The following DLG2 variants were observed in gnomAD, a reference collection of about 807,000 sequenced individuals.
DLG2 encodes disks large homolog 2.
DLG2 carries 45 observed loss-of-function variants against 132.5 expected under a neutral mutation model. The observed-to-expected ratio is 0.34, with a 90% confidence interval of 0.27 to 0.44. The LOEUF is 0.44. Ranked by LOEUF, DLG2 falls within the 20% of genes least tolerant of loss-of-function variation. The pLI is 1.00. For missense variants in DLG2, 1,045 were observed against 1,196.9 expected (o/e 0.87, Z 1.87); for synonymous variants, 424 against 419.6 (o/e 1.01, Z -0.13).
At chr11:85,436,480 C>T (rs902691486) in intron 3 of DLG2, among the ~76,000 whole-genome samples, 2 of 152,064 alleles carry the variant, frequency 1.3e-5, no homozygotes, top group African/African-American at 4.8e-5. Flanking sequence ...ACAAACAACT[C>T]CATTCAAAAG....
chr11:85,610,251 G>T (rs1318034005), intron 2 of DLG2, among the ~76,000 whole-genome samples: 1 of 152,066 alleles, frequency 6.6e-6, no homozygotes, highest in African/African-American at 2.4e-5. Flanking sequence ...ATGCAGCAGT[G>T]ACTGCAACAC....
rs2089367387 is a variant in DLG2 at position 84,891,402 on chromosome 11, G to T, written c.357+220259C>A. 2.6e-5 allele frequency among the ~76,000 whole-genome samples: 4 copies of T among 151,920 alleles called. No homozygotes were observed. In the South Asian group the frequency reaches 8.3e-4, roughly 32 times the overall value. ...TAAATATTAGCATAATATATATTGG[G>T]ATTATATGCTATTAACTGACATTTA... On this transcript the variant is annotated intron_variant, in intron 6 of 27. Coordinates refer to ENST00000376104, the MANE Select transcript of DLG2 (RefSeq NM_001142699.3).
At chr11:84,273,711 A>G (rs979040005) in intron 7 of DLG2, among the ~76,000 whole-genome samples, 7 of 152,224 alleles carry the variant, frequency 4.6e-5, no homozygotes, top group Non-Finnish European at 1.0e-4. Context: ...ACATATATGT[A>G]CATATACAGA....
chr11:84,159,726 C>T (rs550955229), intron 9 of DLG2, among the ~76,000 whole-genome samples: 14 of 152,194 alleles, frequency 9.2e-5, no homozygotes, highest in Admixed American at 5.9e-4. Flanking sequence ...TAACGGGTTA[C>T]TTGGAGGAGA....
intron 5 of DLG2, among the ~76,000 whole-genome samples, chr11:85,134,116 G>T (rs574300230): frequency 2.0e-5 from 3 of 152,100 alleles, no homozygotes; most frequent in Admixed American, 6.5e-5. Flanking sequence ...GAAAATCAAT[G>T]ATTCGCTTTC....
At chr11:84,867,630 G>A (rs1263967822) in intron 6 of DLG2, among the ~76,000 whole-genome samples, 1 of 152,208 alleles carries the variant, frequency 6.6e-6, no homozygotes, top group East Asian at 1.9e-4. Context: ...CAAGCACAGA[G>A]TAATAATAAT....
intron 6 of DLG2, among the ~76,000 whole-genome samples, chr11:84,664,313 C>A (rs1250381876): frequency 6.6e-6 from 1 of 151,936 alleles, no homozygotes; most frequent in Non-Finnish European, 1.5e-5. Context: ...AAACAAAAAG[C>A]CTGAAATAAT....
chr11:83,780,541 G>A (rs545664952), intron 18 of DLG2, among the ~76,000 whole-genome samples: 94 of 152,146 alleles, frequency 6.2e-4, no homozygotes, highest in Non-Finnish European at 1.1e-3. Context: ...GGTTCATAGA[G>A]GCATCTGTGA....
chr11:84,256,808 G>C lies in DLG2; in HGVS notation c.520-5517C>G, dbSNP rs571233576. Among the ~76,000 whole-genome samples the C allele has an allele frequency of 3.7e-4, 56 of 152,220 alleles. 1 individual carries two copies. The South Asian group carries it at 0.012, about 32-fold the overall frequency. ...AAGTTTGAAAATGAGTCCTGTATGTGGGTGTATGTGTGTGCATGTGTATGT... is the reference window on the plus strand; with the variant it reads ...AAGTTTGAAAATGAGTCCTGTATGTCGGTGTATGTGTGTGCATGTGTATGT... On this transcript the variant is annotated intron_variant, in intron 7 of 27. Transcript: ENST00000376104.
At chr11:83,799,954 C>A (rs966856422) in intron 17 of DLG2, among the ~76,000 whole-genome samples, 1 of 151,930 alleles carries the variant, frequency 6.6e-6, no homozygotes, top group Non-Finnish European at 1.5e-5. Flanking sequence ...ATAAGAGTAC[C>A]ACATCACAGA....
chr11:84,139,232 G>A (rs80018760), intron 9 of DLG2, among the ~76,000 whole-genome samples: 2,385 of 152,028 alleles, frequency 0.016, 56 homozygotes, highest in African/African-American at 0.053. Flanking sequence ...TTACACACCC[G>A]CCACAGAGGT....
chr11:84,976,463 T>C (rs547635189), intron 6 of DLG2, among the ~76,000 whole-genome samples: 2 of 152,262 alleles, frequency 1.3e-5, no homozygotes, highest in East Asian at 1.9e-4. Flanking sequence ...GTTTCATCTA[T>C]GGCCTTTTAT....
At chr11:84,140,069 C>G (rs1293348832) in intron 9 of DLG2, among the ~76,000 whole-genome samples, 1 of 151,728 alleles carries the variant, frequency 6.6e-6, no homozygotes, top group Non-Finnish European at 1.5e-5. Context: ...TTAGTTTCAC[C>G]TGAGTAGGAT....
chr11:85,115,884 T>A (rs1257357735), intron 5 of DLG2, among the ~76,000 whole-genome samples: 2 of 152,056 alleles, frequency 1.3e-5, no homozygotes, highest in East Asian at 3.9e-4. Flanking sequence ...TTTCCCTTTA[T>A]CTCTTCTTCA....
intron 6 of DLG2, among the ~76,000 whole-genome samples, chr11:84,773,734 A>G (rs2069848339): frequency 6.6e-6 from 1 of 152,174 alleles, no homozygotes; most frequent in South Asian, 2.1e-4. Context: ...GTAAATTTCA[A>G]CATCCCTTCA....
intron 16 of DLG2, among the ~76,000 whole-genome samples, chr11:83,837,901 T>C (rs1464988863): frequency 6.6e-6 from 1 of 152,070 alleles, no homozygotes; most frequent in Non-Finnish European, 1.5e-5. Flanking sequence ...GAGGGTGGAT[T>C]AGAGAGAAAT....
At chr11:84,714,543 T>TTC (rs367838730) in intron 6 of DLG2, among the ~76,000 whole-genome samples, 1 of 80,552 alleles carries the variant, frequency 1.2e-5, no homozygotes, top group African/African-American at 8.4e-5. Context: ...CTCTTTCTCT[T>TTC]TCTCTTTCTC....
intron 6 of DLG2, among the ~76,000 whole-genome samples, chr11:84,663,147 TC>T (rs2154548221): frequency 6.6e-6 from 1 of 152,178 alleles, no homozygotes; most frequent in South Asian, 2.1e-4. Flanking sequence ...TATTAACTAT[TC>T]AACTTATTCT....
intron 19 of DLG2, among the ~76,000 whole-genome samples, chr11:83,576,043 A>G (rs1216838159): frequency 6.6e-6 from 1 of 152,208 alleles, no homozygotes; most frequent in East Asian, 1.9e-4. Flanking sequence ...CAAGTTAAAT[A>G]GGGACATGAA....
Sources: gnomAD v4.1 joint callset for allele counts (sites outside exome capture counted in the v4.1 genomes callset) on GRCh38, gnomAD v4.1.1 for gene constraint, MANE v1.5 for transcripts, NCBI Gene and HGNC (gene_info 2026-07-23, HGNC 2026-07-21) for gene names.